The following KCNN2 variants were observed in gnomAD, a reference collection of about 807,000 sequenced individuals.
The protein encoded by KCNN2 is small conductance calcium-activated potassium channel protein 2.
Under a neutral mutation model 55.5 loss-of-function variants are expected in KCNN2, and 24 were observed. The observed-to-expected ratio is 0.43, with a 90% CI of 0.31 to 0.61. The LOEUF is 0.61. Ranked by LOEUF, KCNN2 falls within the 20% of genes least tolerant of loss-of-function variation. The probability of loss-of-function intolerance (pLI) is 0.08; values close to 1 mark genes in which losing one functional copy is unlikely to be tolerated. For missense variants in KCNN2, 754 were observed against 853.6 expected, an observed-to-expected ratio of 0.88 and a Z score of 1.45; for synonymous variants, 431 against 336.1, an observed-to-expected ratio of 1.28 and a Z score of -3.09.
In KCNN2 at chr5:114,339,346, A is replaced by T. The variant is rs1756977050; in HGVS notation, c.-184-21599A>T. On this transcript the variant is annotated intron_variant, in intron 2 of 10. Coordinates refer to the KCNN2 transcript ENST00000512097. The stretch of plus-strand genomic sequence containing the variant: ...CTAGATAATGCAGTTTCAGTTTCTC[A>T]TGGTTCTGGCCAGAAGATGCAAACT... Among the ~76,000 whole-genome samples the T allele has an allele frequency of 3.3e-5, 5 of 152,136 alleles. No homozygotes were observed. In the South Asian group the frequency reaches 1.0e-3, roughly 32 times the overall value.
chr5:114,384,636 C>G (rs187122997), intron 2 of KCNN2, among the ~76,000 whole-genome samples: 1 of 152,324 alleles, frequency 6.6e-6, no homozygotes, highest in East Asian at 1.9e-4. Flanking sequence ...AGGGAAAGAT[C>G]TCTGGTAATC....
At chr5:114,321,913 G>A (rs925149882) in intron 2 of KCNN2, among the ~76,000 whole-genome samples, 12 of 152,118 alleles carry the variant, frequency 7.9e-5, no homozygotes, top group African/African-American at 2.4e-4. Flanking sequence ...GCCTCCCAAA[G>A]TGCTGGGATT....
rs1214016720 is a variant in KCNN2, at chr5:114,071,804, G to A, written c.-271+15304G>A. 2.4e-4 allele frequency among the ~76,000 whole-genome samples: 37 copies of A among 152,178 alleles called. 1 individual carries two copies. The highest frequency in any genetic ancestry group is 2.3e-3 in the Admixed American group (35 of 15,278). On this transcript the variant is annotated intron_variant, in intron 1 of 10. Coordinates refer to the KCNN2 transcript ENST00000512097. ...ACTAAGTTCTTCTCATATTCACACTGATAAGGGACCATGTGCTATGGTTTG... is the reference window on the plus strand; with the variant it reads ...ACTAAGTTCTTCTCATATTCACACTAATAAGGGACCATGTGCTATGGTTTG...
intron 2 of KCNN2, among the ~76,000 whole-genome samples, chr5:114,291,581 G>A (rs1381425676): frequency 6.6e-6 from 1 of 152,150 alleles, no homozygotes; most frequent in Non-Finnish European, 1.5e-5. Context: ...TCCTAATCCA[G>A]TCTATCATTG....
chr5:114,289,052 C>T (rs1301332208), intron 2 of KCNN2, among the ~76,000 whole-genome samples: 1 of 152,110 alleles, frequency 6.6e-6, no homozygotes, highest in Non-Finnish European at 1.5e-5. Flanking sequence ...ACTTCATTCC[C>T]TTGAACGTGG....
intron 1 of KCNN2, among the ~76,000 whole-genome samples, chr5:114,132,226 A>AG (rs1423856581): frequency 6.6e-6 from 1 of 152,166 alleles, no homozygotes; most frequent in Non-Finnish European, 1.5e-5. Flanking sequence ...CCTGAATGGT[A>AG]GTGCCTAGAT....
chr5:114,427,853 A>G (rs1280623281), intron 3 of KCNN2, among the ~76,000 whole-genome samples: 2 of 152,246 alleles, frequency 1.3e-5, no homozygotes, highest in African/African-American at 4.8e-5. Flanking sequence ...TTAGCACTGC[A>G]TTATAACAGA....
chr5:114,164,357 C>A (rs912520061), intron 1 of KCNN2, among the ~76,000 whole-genome samples: 1 of 152,074 alleles, frequency 6.6e-6, no homozygotes, highest in Admixed American at 6.6e-5. Flanking sequence ...TTAGCCATAA[C>A]CAGTTTTGAT....
At chr5:114,093,334 T>G (rs1243087337) in intron 1 of KCNN2, among the ~76,000 whole-genome samples, 1 of 152,178 alleles carries the variant, frequency 6.6e-6, no homozygotes, top group East Asian at 1.9e-4. Context: ...AGCATTTTGG[T>G]CAAAACCATT....
chr5:114,091,286 T>C (rs1378564246), intron 1 of KCNN2, among the ~76,000 whole-genome samples: 2 of 152,172 alleles, frequency 1.3e-5, no homozygotes, highest in African/African-American at 4.8e-5. Flanking sequence ...TGTTTGGCTC[T>C]ATGAGAGCTC....
At position 114,394,490 on chromosome 5, in the gene KCNN2, G is replaced by A. The variant is rs112956324; in HGVS notation, c.1219-9948G>A. 4.6e-4 allele frequency among the ~76,000 whole-genome samples: 70 copies of A among 152,298 alleles called. 1 individual carries two copies. Among genetic ancestry groups the A allele is most frequent in the African/African-American group, 1.6e-3 (66 of 41,578 alleles). Reference sequence around the variant, plus strand: ...TTGCAGAAAGCAAAAGTTTAATGAAGTCAAGTGCATTAAATGCATTAAAAG... The same window carrying A: ...TTGCAGAAAGCAAAAGTTTAATGAAATCAAGTGCATTAAATGCATTAAAAG... On this transcript the variant is annotated intron_variant, in intron 2 of 7. Coordinates refer to ENST00000673685, the MANE Select transcript of KCNN2 (RefSeq NM_021614.4).
intron 1 of KCNN2, among the ~76,000 whole-genome samples, chr5:114,124,544 T>C (rs963423394): frequency 3.9e-5 from 6 of 152,120 alleles, no homozygotes; most frequent in Admixed American, 1.3e-4. Context: ...TTATTACAAG[T>C]AGAAGCTCTC....
chr5:114,287,824 C>G (rs1490989652), intron 2 of KCNN2, among the ~76,000 whole-genome samples: 3 of 151,550 alleles, frequency 2.0e-5, no homozygotes, highest in Non-Finnish European at 2.9e-5. Context: ...TGATGGTAAA[C>G]TACAAAACTT....
At chr5:114,443,843 C>G (rs1760304246) in intron 3 of KCNN2, among the ~76,000 whole-genome samples, 1 of 152,210 alleles carries the variant, frequency 6.6e-6, no homozygotes, top group Admixed American at 6.5e-5. Context: ...TGGGTTATCA[C>G]TCTTCTCTGC....
intron 2 of KCNN2, among the ~76,000 whole-genome samples, chr5:114,354,834 C>T (rs1247589026): frequency 6.6e-6 from 1 of 152,056 alleles, no homozygotes; most frequent in African/African-American, 2.4e-5. Context: ...TGATATTTTA[C>T]ATAATGTATA....
chr5:114,406,014 AT>A (rs896803488), intron 3 of KCNN2, among the ~76,000 whole-genome samples: 42 of 144,386 alleles, frequency 2.9e-4, no homozygotes, highest in African/African-American at 8.4e-4. Context: ...CAGGCCGAAT[AT>A]TTTTTTTTTA....
At chr5:114,385,695 C>T (rs1758259825) in intron 2 of KCNN2, among the ~76,000 whole-genome samples, 1 of 152,094 alleles carries the variant, frequency 6.6e-6, no homozygotes, top group Non-Finnish European at 1.5e-5. Context: ...CCTCTTCTGG[C>T]AAGCTTTTCA....
chr5:114,300,267 A>G (rs1756126015), intron 2 of KCNN2, among the ~76,000 whole-genome samples: 1 of 152,196 alleles, frequency 6.6e-6, no homozygotes, highest in East Asian at 1.9e-4. Flanking sequence ...ATGTTTTTAA[A>G]AGTCTGCTTT....
chr5:114,172,206 C>CAA (rs1753048225), intron 1 of KCNN2, among the ~76,000 whole-genome samples: 1 of 151,924 alleles, frequency 6.6e-6, no homozygotes, highest in African/African-American at 2.4e-5. Flanking sequence ...ACTACCAGCA[C>CAA]CACTTGTTAA....
Sources: gnomAD v4.1 joint callset for allele counts (sites outside exome capture counted in the v4.1 genomes callset) on GRCh38, gnomAD v4.1.1 for gene constraint, MANE v1.5 for transcripts, NCBI Gene and HGNC (gene_info 2026-07-23, HGNC 2026-07-21) for gene names.